The following PCARE variants were observed in gnomAD, a reference collection of about 807,000 sequenced individuals.
PCARE encodes photoreceptor cilium actin regulator, also known as uncharacterized protein C2orf71.
A neutral mutation model predicts 82.2 loss-of-function variants in PCARE; 72 were observed. The observed-to-expected ratio is 0.88, with a 90% confidence interval of 0.72 to 1.07. The LOEUF (loss-of-function observed/expected upper bound fraction) is 1.07, where lower values mean the gene tolerates loss of function less well. PCARE is among the 50% of genes least tolerant of loss of function. The pLI is 0.00. For missense variants in PCARE, 1,768 were observed against 1,592.4 expected (o/e 1.11, Z -1.88); for synonymous variants, 705 against 634.8 (o/e 1.11, Z -1.66).
In PCARE at chr2:29,074,098, TC is replaced by T. The variant is rs759813732; in HGVS notation, c.163del (p.Glu55ArgfsTer38). The stretch of plus-strand genomic sequence containing the variant: ...ACTTGGCTGCTCCTCTGCCAGGCCC[TC>T]CCCAGCGTCATAGCAGGTGGAGTTT... ...VKNSTCYDAG[E>X]GLAEEQPSPR... is the part of the protein sequence containing the mutation. On this transcript the variant is annotated frameshift_variant, in exon 1 of 2. Transcript: ENST00000331664. LOFTEE classifies it high-confidence loss of function. The T allele has an allele frequency of 6.2e-7, 1 of 1,614,172 alleles. No individual in the cohort carries two copies. The highest frequency in any genetic ancestry group is 1.7e-5 in the Admixed American group (1 of 60,026).
At position 29,072,963 on chromosome 2, in the gene PCARE, T is replaced by C. The variant is rs747719151; in HGVS notation, c.1299A>G (p.Pro433=). Residue 433 remains proline (P), a synonymous_variant, in exon 1 of 2, where the codon CCA becomes CCG. Transcript: ENST00000331664. ...QPRAQDEARS[P]CLSSTSPENI... ...TTTCTGGGCTTGTACTGGAGAGGCA[T>C]GGGCTCCTTGCTTCGTCCTGTGCTC... is the stretch of plus-strand genomic sequence containing the variant. 6.2e-7 allele frequency: 1 copy of C among 1,614,114 alleles called. No homozygotes were observed. The highest frequency in any genetic ancestry group is 1.7e-5 in the Admixed American group (1 of 60,020).
At position 29,071,689 on chromosome 2, in the gene PCARE, G is replaced by C; in HGVS notation, c.2573C>G (p.Ser858Cys). The C allele has an allele frequency of 6.2e-7, 1 of 1,614,164 alleles. No homozygotes were observed. The highest frequency in any genetic ancestry group is 8.5e-7 in the Non-Finnish European group (1 of 1,180,004). Residue 858 changes from serine to cysteine, a missense_variant, in exon 1 of 2, where the codon TCC becomes TGC. Ser to Cys is a moderately radical substitution (Grantham distance 112, BLOSUM62 -1). Transcript: ENST00000331664. Reference protein sequence around the residue: ...SPESSKSTENSPKETQEPGPG... With the variant: ...SPESSKSTENCPKETQEPGPG... Reference sequence around the variant, plus strand: ...CCCTGGCTCCTGGGTTTCCTTGGGGGAGTTCTCTGTGGACTTGCTGCTTTC... The same window carrying C: ...CCCTGGCTCCTGGGTTTCCTTGGGGCAGTTCTCTGTGGACTTGCTGCTTTC...
chr2:29,072,944 G>C lies in PCARE; in HGVS notation c.1318C>G (p.Pro440Ala), dbSNP rs1469162645. 2.0e-5 allele frequency: 33 copies of C among 1,614,012 alleles called. No individual in the cohort carries two copies. Among genetic ancestry groups the C allele is most frequent in the Non-Finnish European group, 2.7e-5 (32 of 1,180,036 alleles). The change falls in exon 1 of 2, where the codon CCA becomes GCA. Residue 440 changes from proline (P) to alanine (A), a missense_variant. Pro to Ala is a conservative substitution (Grantham distance 27). Coordinates refer to ENST00000331664, the MANE Select transcript of PCARE (RefSeq NM_001029883.3). ...AAAGGTGGGGAGGTGATATTTTCTGGGCTTGTACTGGAGAGGCATGGGCTC... is the reference window on the plus strand; with the variant it reads ...AAAGGTGGGGAGGTGATATTTTCTGCGCTTGTACTGGAGAGGCATGGGCTC... ...ARSPCLSSTS[P>A]ENITSPPLKL...
rs755968619 is a variant in PCARE at position 29,073,125 on chromosome 2, T to C, written c.1137A>G (p.Glu379=). Residue 379 remains glutamate (E), a synonymous_variant, in exon 1 of 2, where the codon GAA becomes GAG. Transcript: ENST00000331664. ...TGTGGGGTGAAGTCACCGACTTCCA[T>C]TCTTCGGGCTCTGGTGCAAGGTCCC... The part of the protein sequence containing the change: ...TSWDLAPEPE[E]WKSVTSPHTE... 14 of 1,614,028 alleles carry C rather than the reference T, an allele frequency of 8.7e-6. No homozygotes were observed. In the East Asian group the frequency reaches 3.1e-4, roughly 36 times the overall value.
Position 29,070,907 on chromosome 2 carries a change from T to C in PCARE, c.3355A>G (p.Thr1119Ala). 2 of 1,613,558 alleles carry C rather than the reference T, an allele frequency of 1.2e-6. No homozygotes were observed. The highest frequency in any genetic ancestry group is 8.5e-7 in the Non-Finnish European group (1 of 1,179,930). Residue 1119 changes from threonine to alanine, a missense_variant, in exon 1 of 2, where the codon ACA (threonine) becomes GCA (alanine). Thr to Ala is a moderately conservative substitution (Grantham distance 58). Transcript: ENST00000331664. ...QAVIAKVSGN[T>A]HSIFCPATSS... Reference sequence around the variant, plus strand: ...GTAGCTGGGCAGAATATGGAATGTGTGTTCCCAGACACTTTGGCTATGACT... The same window carrying C: ...GTAGCTGGGCAGAATATGGAATGTGCGTTCCCAGACACTTTGGCTATGACT...
chr2:29,066,695 T>C (rs1388444551), intron 1 of PCARE, among the ~76,000 whole-genome samples: 1 of 152,238 alleles, frequency 6.6e-6, no homozygotes, highest in African/African-American at 2.4e-5. Context: ...CACTGTGCCA[T>C]GGAGCCAATC....
chr2:29,072,941 C>A lies in PCARE; in HGVS notation c.1321G>T (p.Glu441Ter), dbSNP rs1275634181. 6.2e-7 allele frequency: 1 copy of A among 1,614,136 alleles called. No individual in the cohort carries two copies. The highest frequency in any genetic ancestry group is 1.7e-5 in the Admixed American group (1 of 60,012). The change falls in exon 1 of 2, where the codon GAA (glutamate) becomes TAA (stop). Residue 441 changes from glutamate to a stop codon, truncating the protein, a stop_gained. Transcript: ENST00000331664. LOFTEE classifies it high-confidence loss of function. ...RSPCLSSTSP[E>*]NITSPPLKLG... is the part of the protein sequence containing the mutation. ...TTCAAAGGTGGGGAGGTGATATTTT[C>A]TGGGCTTGTACTGGAGAGGCATGGG...
Position 29,073,211 on chromosome 2 carries a change from C to T in PCARE, c.1051G>A (p.Gly351Ser), listed in dbSNP as rs2148416560. The T allele has an allele frequency of 6.2e-7, 1 of 1,614,190 alleles. No individual in the cohort carries two copies. Among genetic ancestry groups the T allele is most frequent in the Non-Finnish European group, 8.5e-7 (1 of 1,180,026 alleles). ...QGLPLCSEDS[G>S]IGADNESVQS... The stretch of plus-strand genomic sequence containing the variant: ...ACGGACTCATTGTCAGCACCAATGC[C>T]ACTGTCCTCAGAGCATAAGGGGAGA... The change falls in exon 1 of 2, where the codon GGC (glycine) becomes AGC (serine). Residue 351 changes from glycine to serine, a missense_variant. Gly to Ser is a moderately conservative substitution (Grantham distance 56). Coordinates refer to ENST00000331664, the MANE Select transcript of PCARE (RefSeq NM_001029883.3).
chr2:29,072,590 G>A lies in PCARE; in HGVS notation c.1672C>T (p.Pro558Ser), dbSNP rs767025439. The change falls in exon 1 of 2, where the codon CCC becomes TCC. Residue 558 changes from proline (P) to serine (S), a missense_variant. By Grantham distance (74) the Pro-to-Ser change is moderately conservative. Coordinates refer to ENST00000331664, the MANE Select transcript of PCARE (RefSeq NM_001029883.3). The part of the protein sequence containing the change: ...ISERIKFVPV[P>S]CGHQDWSEEE... ...TCAGACCAGTCCTGGTGCCCACAGG[G>A]CACAGGGACAAACTTGATCCTTTCG... is the stretch of plus-strand genomic sequence containing the variant. The A allele has an allele frequency of 2.3e-5, 37 of 1,614,114 alleles. No individual in the cohort carries two copies. The highest frequency in any genetic ancestry group is 3.1e-5 in the Non-Finnish European group (36 of 1,180,010).
In PCARE at chr2:29,073,428, C is replaced by T. The variant is rs1297372040; in HGVS notation, c.834G>A (p.Leu278=). 1.2e-6 allele frequency: 2 copies of T among 1,614,120 alleles called. No individual in the cohort carries two copies. Among genetic ancestry groups the T allele is most frequent in the Non-Finnish European group, 1.7e-6 (2 of 1,180,034 alleles). The change falls in exon 1 of 2, where the codon CTG becomes CTA. Residue 278 remains leucine (L), a synonymous_variant. Transcript: ENST00000331664. ...AGGCCACTGTGCCATTGAGCACCTG[C>T]AGCTTGCTGACTGTGTACTGTAGCA... ...QQLLQYTVSK[L]QVLNGTVASL...
chr2:29,070,291 C>T (rs924777230), intron 1 of PCARE, among the ~76,000 whole-genome samples: 12 of 152,056 alleles, frequency 7.9e-5, no homozygotes, highest in Admixed American at 3.3e-4. Context: ...CCAACAGGCC[C>T]CGGTGTGTGC....
Position 29,071,071 on chromosome 2 carries a change from G to A in PCARE, c.3191C>T (p.Ala1064Val), listed in dbSNP as rs767375988. 15 of 1,177,078 alleles carry A rather than the reference G, an allele frequency of 1.3e-5. No homozygotes were observed. The highest frequency in any genetic ancestry group is 2.4e-4 in the Middle Eastern group (1 of 4,220). 72.9% of individuals were successfully genotyped at this position (1,177,078 alleles called of 1,614,324 possible). ...PKLPNPPPES[A>V]PAQCKVPSPP... ...GCTGGGGACCTTGCACTGAGCAGGTGCACTCTCGGGGGGAGGGTTGGGCAA... is the reference window on the plus strand; with the variant it reads ...GCTGGGGACCTTGCACTGAGCAGGTACACTCTCGGGGGGAGGGTTGGGCAA... Residue 1064 changes from alanine to valine, a missense_variant, in exon 1 of 2, where the codon GCA becomes GTA. Physicochemically the swap from Ala to Val is moderately conservative, Grantham distance 64 (BLOSUM62 0). Transcript: ENST00000331664.
rs769481779 is a variant in PCARE at position 29,072,077 on chromosome 2, T to C, written c.2185A>G (p.Thr729Ala). 8.1e-6 allele frequency: 13 copies of C among 1,614,086 alleles called. No homozygotes were observed. The East Asian group carries it at 2.7e-4, about 33-fold the overall frequency. Reference sequence around the variant, plus strand: ...GTTTCAATAAGCTTCTTGACGGATGTTCTGGTGGGACAGCCTCTGACATTC... The same window carrying C: ...GTTTCAATAAGCTTCTTGACGGATGCTCTGGTGGGACAGCCTCTGACATTC... ...DWNVRGCPTR[T>A]SVKKLIETFS... Residue 729 changes from threonine (T) to alanine (A), a missense_variant, in exon 1 of 2, where the codon ACA becomes GCA. Physicochemically the swap from Thr to Ala is moderately conservative, Grantham distance 58. Coordinates refer to ENST00000331664, the MANE Select transcript of PCARE (RefSeq NM_001029883.3).
Position 29,070,877 on chromosome 2 carries a change from A to G in PCARE, c.3385T>C (p.Ser1129Pro). 6.2e-7 allele frequency: 1 copy of G among 1,613,320 alleles called. No homozygotes were observed. The highest frequency in any genetic ancestry group is 1.3e-5 in the African/African-American group (1 of 74,796). Residue 1129 changes from serine (S) to proline (P), a missense_variant, in exon 1 of 2, where the codon TCT (serine) becomes CCT (proline). Transcript: ENST00000331664. ...AGTGGCGGTTTAGCTTCAAACAGAG[A>G]GGAGGTAGCTGGGCAGAATATGGAA... The part of the protein sequence containing the change: ...THSIFCPATS[S>P]LFEAKPPLST...
intron 1 of PCARE, 24 bp downstream of exon 1, chr2:29,070,570 C>A (rs745968092): frequency 6.2e-7 from 1 of 1,613,544 alleles, no homozygotes; most frequent in South Asian, 1.1e-5. Context: ...CGCTGAAGGG[C>A]AGTGACCCCA....
At position 29,072,366 on chromosome 2, in the gene PCARE, T is replaced by A. The variant is rs757219242; in HGVS notation, c.1896A>T (p.Lys632Asn). 1.9e-6 allele frequency: 3 copies of A among 1,614,012 alleles called. No individual in the cohort carries two copies. Among genetic ancestry groups the A allele is most frequent in the Non-Finnish European group, 2.5e-6 (3 of 1,179,998 alleles). ...KLEAFYALGA[K>N]GQGQSQEQIL... is the part of the protein sequence containing the mutation. ...TTTGCTCCTGGCTCTGCCCCTGCCC[T>A]TTGGCACCCAGGGCATAAAATGCCT... The change falls in exon 1 of 2, where the codon AAA becomes AAT. Residue 632 changes from lysine to asparagine, a missense_variant. Lys to Asn is a moderately conservative substitution (Grantham distance 94). Coordinates refer to ENST00000331664, the MANE Select transcript of PCARE (RefSeq NM_001029883.3).
In PCARE at chr2:29,069,480, A is replaced by G. The variant is rs117256164; in HGVS notation, c.3668+1114T>C. ...GTTCTTACTTATAAGTGGGAGCTAA[A>G]TGATGAGAACTCATGGGCACAAAGA... On this transcript the variant is annotated intron_variant, in intron 1 of 1. Transcript: ENST00000331664. Among the ~76,000 whole-genome samples the G allele has an allele frequency of 8.2e-3, 1,243 of 152,358 alleles. 47 individuals are homozygous for G. Among genetic ancestry groups the G allele is most frequent in the East Asian group, 0.058 (299 of 5,192 alleles).
In PCARE at chr2:29,071,923, T is replaced by C. The variant is rs771841315; in HGVS notation, c.2339A>G (p.Lys780Arg). 5.6e-6 allele frequency: 9 copies of C among 1,614,056 alleles called. No homozygotes were observed. The highest frequency in any genetic ancestry group is 1.3e-5 in the African/African-American group (1 of 74,940). ...KYTGLAPLYP[K>R]PQISPASGRE... Reference sequence around the variant, plus strand: ...GCCTGATGCTGGAGAAATTTGGGGCTTCGGATACAAAGGGGCAAGCCCTGT... The same window carrying C: ...GCCTGATGCTGGAGAAATTTGGGGCCTCGGATACAAAGGGGCAAGCCCTGT... Residue 780 changes from lysine to arginine, a missense_variant, in exon 1 of 2, where the codon AAG becomes AGG. By Grantham distance (26) the Lys-to-Arg change is conservative (BLOSUM62 2). Coordinates refer to ENST00000331664, the MANE Select transcript of PCARE (RefSeq NM_001029883.3).
At position 29,070,917 on chromosome 2, in the gene PCARE, C is replaced by T. The variant is rs963073537; in HGVS notation, c.3345G>A (p.Val1115=). 3.1e-6 allele frequency: 5 copies of T among 1,613,662 alleles called. No homozygotes were observed. Among genetic ancestry groups the T allele is most frequent in the Non-Finnish European group, 4.2e-6 (5 of 1,180,010 alleles). The change falls in exon 1 of 2, where the codon GTG becomes GTA. Residue 1115 remains valine, a synonymous_variant. Coordinates refer to ENST00000331664, the MANE Select transcript of PCARE (RefSeq NM_001029883.3). ...AGAATATGGAATGTGTGTTCCCAGA[C>T]ACTTTGGCTATGACTGCTTGGCTGT... The part of the protein sequence containing the change: ...SEDSQAVIAK[V]SGNTHSIFCP...
Sources: gnomAD v4.1 joint callset for allele counts (sites outside exome capture counted in the v4.1 genomes callset) on GRCh38, gnomAD v4.1.1 for gene constraint, MANE v1.5 for transcripts, NCBI Gene and HGNC (gene_info 2026-07-23, HGNC 2026-07-21) for gene names.